EPM2A: variants seen among roughly 807,000 people sequenced by gnomAD.
EPM2A encodes the protein laforin.
Under a neutral mutation model 26.5 loss-of-function variants are expected in EPM2A, and 21 were observed. The observed-to-expected ratio is 0.79, with a 90% CI of 0.56 to 1.14. EPM2A has a LOEUF of 1.14. Among genes scored for constraint, EPM2A ranks in the 50% most tolerant of loss-of-function variants. The pLI is 0.00. For synonymous variants in EPM2A, 217 were observed against 177.6 expected, an observed-to-expected ratio of 1.22 and a Z score of -1.76; for missense variants, 458 against 440.8, an observed-to-expected ratio of 1.04 and a Z score of -0.35.
At chr6:145,524,628 GT>G (rs1780246733) in intron 2 of EPM2A, among the ~76,000 whole-genome samples, 1 of 151,846 alleles carries the variant, frequency 6.6e-6, no homozygotes, top group Non-Finnish European at 1.5e-5. Flanking sequence ...GAGATTACTT[GT>G]TTTTTGCTTG....
At chr6:145,719,822 T>C (rs1402877019) in intron 1 of EPM2A, among the ~76,000 whole-genome samples, 1 of 152,194 alleles carries the variant, frequency 6.6e-6, no homozygotes, top group Admixed American at 6.5e-5. Context: ...ATGAGTTGAA[T>C]AAGTGAATCA....
intron 2 of EPM2A, among the ~76,000 whole-genome samples, chr6:145,506,541 C>T (rs1779976322): frequency 6.6e-6 from 1 of 151,446 alleles, no homozygotes; most frequent in African/African-American, 2.4e-5. Flanking sequence ...TATATAAAAT[C>T]TATTAATTAA....
chr6:145,592,257 G>A (rs943425974), intron 2 of EPM2A, among the ~76,000 whole-genome samples: 17 of 148,074 alleles, frequency 1.1e-4, no homozygotes, highest in Admixed American at 4.8e-4. Context: ...GAGAACATGC[G>A]GTGTTTGGTT....
intron 1 of EPM2A, among the ~76,000 whole-genome samples, chr6:145,706,202 C>T (rs560285540): frequency 1.3e-5 from 2 of 152,288 alleles, no homozygotes; most frequent in African/African-American, 4.8e-5. Context: ...AAGGATCCCA[C>T]ATCTTAACAG....
At chr6:145,429,739 G>A (rs753875804) in intron 4 of EPM2A, among the ~76,000 whole-genome samples, 18 of 152,108 alleles carry the variant, frequency 1.2e-4, no homozygotes, top group Non-Finnish European at 2.5e-4. Context: ...TTTAAAATTA[G>A]GAGAATTTTT....
chr6:145,522,360 T>A (rs776384632), intron 2 of EPM2A, among the ~76,000 whole-genome samples: 6 of 152,074 alleles, frequency 3.9e-5, no homozygotes, highest in Non-Finnish European at 8.8e-5. Context: ...ATATAACATG[T>A]CCTGGGGTTA....
intron 4 of EPM2A, among the ~76,000 whole-genome samples, chr6:145,410,489 G>A (rs1322526705): frequency 6.6e-6 from 1 of 152,160 alleles, no homozygotes; most frequent in African/African-American, 2.4e-5. Flanking sequence ...ATTAAAATAA[G>A]GACATCTTTG....
At chr6:145,419,180 T>TCC (rs1362241033) in intron 4 of EPM2A, among the ~76,000 whole-genome samples, 6 of 29,252 alleles carry the variant, frequency 2.1e-4, no homozygotes, top group South Asian at 2.5e-3. Flanking sequence ...CTGTTAAATG[T>TCC]CCCCCCCCCC....
intron 2 of EPM2A, among the ~76,000 whole-genome samples, chr6:145,535,053 C>T (rs935762905): frequency 2.6e-5 from 4 of 152,152 alleles, no homozygotes; most frequent in Admixed American, 6.5e-5. Context: ...TATCTCCTTC[C>T]CAGGTAATTT....
chr6:145,707,598 G>C lies in EPM2A; in HGVS notation c.302-21302C>G, dbSNP rs946653168. ...ATGAGATCTGATGGTTTTATAAAAGGGTATACCCTTGTACATGTTCTCTTG... is the reference window on the plus strand; with the variant it reads ...ATGAGATCTGATGGTTTTATAAAAGCGTATACCCTTGTACATGTTCTCTTG... On this transcript the variant is annotated intron_variant, in intron 1 of 3. Transcript: ENST00000367519. Among the ~76,000 whole-genome samples the C allele has an allele frequency of 5.9e-5, 9 of 152,208 alleles. No individual in the cohort carries two copies. The South Asian group carries it at 1.2e-3, about 21-fold the overall frequency.
At chr6:145,623,856 G>A (rs1021669195), downstream of EPM2A, among the ~76,000 whole-genome samples, 18 of 152,180 alleles carry the variant, frequency 1.2e-4, no homozygotes, top group Non-Finnish European at 2.4e-4. Flanking sequence ...TGCTTTAACA[G>A]AATTTCTGGA....
chr6:145,511,788 A>C (rs181668789), intron 2 of EPM2A, among the ~76,000 whole-genome samples: 1 of 152,310 alleles, frequency 6.6e-6, no homozygotes, highest in East Asian at 1.9e-4. Flanking sequence ...AAAGAAATAA[A>C]AGGCATTCAG....
intron 1 of EPM2A, among the ~76,000 whole-genome samples, chr6:145,732,399 A>AAC (rs202225064): frequency 2.2e-5 from 3 of 135,874 alleles, no homozygotes; most frequent in South Asian, 2.1e-4. Context: ...ATATATCAGA[A>AAC]ACACACACAC....
At chr6:145,670,930 AAAG>A (rs76020088) in intron 2 of EPM2A, 774 of 985,284 alleles carry the variant, frequency 7.9e-4, no homozygotes, top group Admixed American at 2.8e-3. Context: ...AATTCAACAA[AAAG>A]GAGAAGCATG....
At chr6:145,702,291 C>G (rs142123387) in intron 1 of EPM2A, among the ~76,000 whole-genome samples, 2 of 152,252 alleles carry the variant, frequency 1.3e-5, no homozygotes, top group Non-Finnish European at 2.9e-5. Context: ...CACCCTCTGT[C>G]GAAACTCTCC....
At chr6:145,652,906 G>C (rs1777984214) in intron 2 of EPM2A, among the ~76,000 whole-genome samples, 1 of 152,008 alleles carries the variant, frequency 6.6e-6, no homozygotes, top group Non-Finnish European at 1.5e-5. Context: ...CTACCTCTTT[G>C]CATGTTAATT....
At chr6:145,671,191 A>G in intron 2 of EPM2A, 1 of 1,022,144 alleles carries the variant, frequency 9.8e-7, no homozygotes, top group Non-Finnish European at 1.2e-6. Flanking sequence ...AATGCGAGCA[A>G]AGTAAAAAAA....
chr6:145,581,736 T>G (rs1334467937), intron 2 of EPM2A, among the ~76,000 whole-genome samples: 2 of 152,212 alleles, frequency 1.3e-5, no homozygotes, highest in African/African-American at 4.8e-5. Flanking sequence ...CACCATTTAT[T>G]GAATAGGGAG....
At chr6:145,540,051 C>T (rs1780485243) in intron 2 of EPM2A, among the ~76,000 whole-genome samples, 1 of 152,144 alleles carries the variant, frequency 6.6e-6, no homozygotes, top group Non-Finnish European at 1.5e-5. Flanking sequence ...CCAGCAGAAA[C>T]CACAATAAAG....
Sources: gnomAD v4.1 joint callset for allele counts (sites outside exome capture counted in the v4.1 genomes callset) on GRCh38, gnomAD v4.1.1 for gene constraint, MANE v1.5 for transcripts, NCBI Gene and HGNC (gene_info 2026-07-23, HGNC 2026-07-21) for gene names.